The following DAW1 variants were observed in gnomAD, a reference collection of about 807,000 sequenced individuals.
DAW1 encodes dynein assembly factor with WD repeats 1, also known as dynein assembly factor with WD repeat domains 1.
DAW1 carries 47 observed loss-of-function variants against 56.5 expected under a neutral mutation model. The observed-to-expected ratio is 0.83, with a 90% CI of 0.66 to 1.06. The LOEUF (loss-of-function observed/expected upper bound fraction) is 1.06, where lower values mean the gene tolerates loss of function less well. Ranked by LOEUF, DAW1 falls within the 50% of genes least tolerant of loss-of-function variation. The probability of loss-of-function intolerance (pLI) is 0.00; values close to 1 mark genes in which losing one functional copy is unlikely to be tolerated. For missense variants in DAW1, 505 were observed against 499.3 expected, an observed-to-expected ratio of 1.01 and a Z score of -0.11; for synonymous variants, 190 against 179.0, an observed-to-expected ratio of 1.06 and a Z score of -0.49.
rs58496380 is a variant in DAW1, at chr2:227,919,209, GAAA to G, written c.1050+366_1050+368del. On this transcript the variant is annotated intron_variant, in intron 11 of 12. Coordinates refer to ENST00000309931, the MANE Select transcript of DAW1 (RefSeq NM_178821.3). ...AGACCCTATCTAGAAAAAAAAAAAA[GAAA>G]AAAAAAAAAAAAGCATGCTCAGTAT... 9.3e-3 allele frequency among the ~76,000 whole-genome samples: 1,258 copies of G among 134,780 alleles called. 11 individuals carry two copies. The highest frequency in any genetic ancestry group is 0.032 in the African/African-American group (1,133 of 35,934). 88.4% of individuals were successfully genotyped at this position (134,780 alleles called of 152,430 possible).
chr2:227,923,929 A>T lies in DAW1; in HGVS notation c.1214-5A>T. Reference sequence around the variant, plus strand: ...AAAATAACTGCATGAAATCTGTTTTATTAGGCAGCAAGGATAATACCTGTA... The same window carrying T: ...AAAATAACTGCATGAAATCTGTTTTTTTAGGCAGCAAGGATAATACCTGTA... On this transcript the variant is annotated splice_polypyrimidine_tract_variant and splice_region_variant and intron_variant, in intron 12 of 12. Transcript: ENST00000309931. 2 of 1,613,972 alleles carry T rather than the reference A, an allele frequency of 1.2e-6. No individual in the cohort carries two copies. Among genetic ancestry groups the T allele is most frequent in the Middle Eastern group, 1.6e-4 (1 of 6,062 alleles).
chr2:227,897,817 C>T (rs1289824558), intron 5 of DAW1, among the ~76,000 whole-genome samples: 1 of 151,752 alleles, frequency 6.6e-6, no homozygotes, highest in African/African-American at 2.4e-5. Flanking sequence ...TATTCTTTTC[C>T]ATATACTTAT....
chr2:227,920,844 C>T (rs1476037833), intron 11 of DAW1, among the ~76,000 whole-genome samples: 3 of 152,060 alleles, frequency 2.0e-5, no homozygotes, highest in Non-Finnish European at 4.4e-5. Context: ...CCATGCCAAG[C>T]TAAATTTGTA....
At position 227,904,936 on chromosome 2, in the gene DAW1, C is replaced by A; in HGVS notation, c.656C>A (p.Ser219Tyr). ...GEEVYTLRGH[S>Y]AEIISLSFNT... ...TATCTGCTCTTTTTCTAGGGACATT[C>A]TGCCGAAATCATCTCCTTGTCATTT... The change falls in exon 8 of 13, where the codon TCT (serine) becomes TAT (tyrosine). Residue 219 changes from serine to tyrosine, a missense_variant. Transcript: ENST00000309931. 1 of 1,612,558 alleles carries A rather than the reference C, an allele frequency of 6.2e-7. No homozygotes were observed. The highest frequency in any genetic ancestry group is 8.5e-7 in the Non-Finnish European group (1 of 1,179,184).
At chr2:227,911,778 T>C (rs985007039) in intron 10 of DAW1, among the ~76,000 whole-genome samples, 55 of 152,224 alleles carry the variant, frequency 3.6e-4, no homozygotes, top group Non-Finnish European at 2.2e-4. Context: ...GTATCATCTT[T>C]CTGACTACCA....
At position 227,909,027 on chromosome 2, in the gene DAW1, C is replaced by T. The variant is rs1011123010; in HGVS notation, c.973+1775C>T. Among the ~76,000 whole-genome samples, 10 of 152,238 alleles carry T rather than the reference C, an allele frequency of 6.6e-5. No individual in the cohort carries two copies. In the East Asian group the frequency reaches 1.7e-3, roughly 26 times the overall value. On this transcript the variant is annotated intron_variant, in intron 10 of 12. Coordinates refer to ENST00000309931, the MANE Select transcript of DAW1 (RefSeq NM_178821.3). ...CATGTATCTGACTATGTTTAATTTACACTGTTTTTATCCTCTTTATAATAA... is the reference window on the plus strand; with the variant it reads ...CATGTATCTGACTATGTTTAATTTATACTGTTTTTATCCTCTTTATAATAA...
At chr2:227,908,485 A>ATAC (rs1408731528) in intron 10 of DAW1, among the ~76,000 whole-genome samples, 1 of 152,158 alleles carries the variant, frequency 6.6e-6, no homozygotes. Flanking sequence ...ACATTTTATG[A>ATAC]TACTGAACAA....
At chr2:227,879,552 A>G (rs1373401836) in intron 1 of DAW1, among the ~76,000 whole-genome samples, 2 of 151,902 alleles carry the variant, frequency 1.3e-5, no homozygotes, top group African/African-American at 4.8e-5. Context: ...TTTTAGACGA[A>G]TTTGTCAATT....
At chr2:227,873,573 A>T (rs1436746318) in intron 1 of DAW1, among the ~76,000 whole-genome samples, 3 of 152,210 alleles carry the variant, frequency 2.0e-5, no homozygotes, top group African/African-American at 7.2e-5. Flanking sequence ...ACTTTCTCCA[A>T]TGGGAAGTTG....
intron 6 of DAW1, among the ~76,000 whole-genome samples, chr2:227,899,464 A>T (rs1574659239): frequency 6.6e-6 from 1 of 152,244 alleles, no homozygotes; most frequent in East Asian, 1.9e-4. Flanking sequence ...TCAAAGAGAG[A>T]AAAGGCTAAA....
At chr2:227,877,315 A>C (rs1016979891) in intron 1 of DAW1, among the ~76,000 whole-genome samples, 2 of 152,158 alleles carry the variant, frequency 1.3e-5, no homozygotes, top group Non-Finnish European at 1.5e-5. Flanking sequence ...ATCACACCCA[A>C]CTAATTTTAG....
chr2:227,909,866 A>G (rs1691775393), intron 10 of DAW1, among the ~76,000 whole-genome samples: 1 of 152,180 alleles, frequency 6.6e-6, no homozygotes, highest in Non-Finnish European at 1.5e-5. Context: ...TCAGTCTAAC[A>G]TCCTCACAGA....
At chr2:227,915,639 T>C (rs189866495) in intron 10 of DAW1, among the ~76,000 whole-genome samples, 1 of 152,236 alleles carries the variant, frequency 6.6e-6, no homozygotes, top group African/African-American at 2.4e-5. Flanking sequence ...ACATACCCTG[T>C]CTGTAGTAAA....
intron 10 of DAW1, chr2:227,912,583 T>G: frequency 1.7e-6 from 2 of 1,193,410 alleles, no homozygotes; most frequent in Non-Finnish European, 1.1e-6. Flanking sequence ...TTTGTGTTTG[T>G]CATCTCAGTG....
chr2:227,907,933 A>T (rs187655847), intron 10 of DAW1, among the ~76,000 whole-genome samples: 42 of 152,240 alleles, frequency 2.8e-4, no homozygotes, highest in Non-Finnish European at 5.1e-4. Flanking sequence ...CTTTACTATA[A>T]CCACATGTGC....
In DAW1 at chr2:227,923,994, C is replaced by G; in HGVS notation, c.*26C>G. On this transcript the variant is annotated 3_prime_UTR_variant, in exon 13 of 13. Transcript: ENST00000309931. Reference sequence around the variant, plus strand: ...CTGAAGGAAGCTGGTCAGTGAGCAACCTTGCTAGCAATGGTAATCAAGAAC... The same window carrying G: ...CTGAAGGAAGCTGGTCAGTGAGCAAGCTTGCTAGCAATGGTAATCAAGAAC... 1 of 1,613,568 alleles carries G rather than the reference C, an allele frequency of 6.2e-7. No individual in the cohort carries two copies. The highest frequency in any genetic ancestry group is 1.3e-5 in the African/African-American group (1 of 75,014).
At chr2:227,919,784 C>T (rs1692061288) in intron 11 of DAW1, among the ~76,000 whole-genome samples, 2 of 152,138 alleles carry the variant, frequency 1.3e-5, no homozygotes, top group Non-Finnish European at 2.9e-5. Context: ...CCCAGCTCAG[C>T]ACAATCCCTT....
chr2:227,878,319 G>C (rs1690933080), intron 1 of DAW1, among the ~76,000 whole-genome samples: 2 of 152,174 alleles, frequency 1.3e-5, no homozygotes, highest in African/African-American at 4.8e-5. Flanking sequence ...CTCCCTTGAT[G>C]ATAGTGACAC....
chr2:227,899,786 C>T (rs1317000801), intron 6 of DAW1, among the ~76,000 whole-genome samples: 2 of 152,148 alleles, frequency 1.3e-5, no homozygotes, highest in Admixed American at 1.3e-4. Flanking sequence ...AGTGCTAGCA[C>T]CCACACCCAC....
Sources: allele counts gnomAD v4.1 joint callset (sites outside exome capture counted in the v4.1 genomes callset), GRCh38; gene constraint gnomAD v4.1.1; transcripts MANE v1.5; gene names NCBI Gene and HGNC (gene_info 2026-07-23, HGNC 2026-07-21).